The following ITPRIP variants were observed in gnomAD, a reference collection of about 807,000 sequenced individuals.
ITPRIP encodes inositol 1,4,5-trisphosphate receptor-interacting protein.
Under a neutral mutation model 35.8 loss-of-function variants are expected in ITPRIP, and 32 were observed. The observed-to-expected ratio is 0.89, with a 90% confidence interval of 0.68 to 1.20. The LOEUF is 1.20. Among genes scored for constraint, ITPRIP ranks in the 50% most tolerant of loss-of-function variants. ITPRIP has a pLI of 0.00. For synonymous variants in ITPRIP, 358 were observed against 324.0 expected, an observed-to-expected ratio of 1.11 and a Z score of -1.13; for missense variants, 653 against 735.6, an observed-to-expected ratio of 0.89 and a Z score of 1.30.
intron 1 of ITPRIP, among the ~76,000 whole-genome samples, chr10:104,325,133 T>C (rs1241609208): frequency 1.3e-5 from 2 of 152,184 alleles, no homozygotes; most frequent in Non-Finnish European, 2.9e-5. Flanking sequence ...GGTGTGAGGA[T>C]TGCTTGAGCC....
intron 1 of ITPRIP, chr10:104,323,720 A>G (rs2013914746): frequency 1.3e-5 from 2 of 152,462 alleles, no homozygotes; most frequent in African/African-American, 4.8e-5. Context: ...GGCCCAGCCT[A>G]CTTGTCTCAC....
At chr10:104,327,891 C>T (rs1302044671) in intron 1 of ITPRIP, among the ~76,000 whole-genome samples, 2 of 152,238 alleles carry the variant, frequency 1.3e-5, no homozygotes, top group Non-Finnish European at 2.9e-5. Flanking sequence ...CCCCGTGTCG[C>T]CCTGGTGTGC....
Position 104,315,609 on chromosome 10 carries a change from C to T in ITPRIP, c.443G>A (p.Arg148His), listed in dbSNP as rs573798858. 61 of 1,613,206 alleles carry T rather than the reference C, an allele frequency of 3.8e-5. No individual in the cohort carries two copies. In the South Asian group the frequency reaches 4.1e-4, roughly 11 times the overall value. Reference protein sequence around the residue: ...NKATLGHFYERCIRGATADAA... With the variant: ...NKATLGHFYEHCIRGATADAA... ...ATCGGCCGTGGCCCCCCGGATGCAG[C>T]GCTCATAAAAGTGGCCAAGCGTGGC... The change falls in exon 2 of 2, where the codon CGC (arginine) becomes CAC (histidine). Residue 148 changes from arginine (R) to histidine (H), a missense_variant. Arg to His is a conservative substitution (Grantham distance 29). Transcript: ENST00000337478. The surrounding 1 kb of genome is among the most constrained non-coding windows in gnomAD (Gnocchi z 5.7).
At chr10:104,332,553 T>G (rs1027088115) in intron 1 of ITPRIP, among the ~76,000 whole-genome samples, 2 of 152,142 alleles carry the variant, frequency 1.3e-5, no homozygotes, top group African/African-American at 4.8e-5. Context: ...GCCTCTTTCG[T>G]CTCCTGTGCT....
At chr10:104,335,592 C>T (rs571234501) in intron 1 of ITPRIP, among the ~76,000 whole-genome samples, 11 of 152,298 alleles carry the variant, frequency 7.2e-5, no homozygotes, top group African/African-American at 2.2e-4. Flanking sequence ...CATCAAGGCC[C>T]GGCTTGCCTC....
In ITPRIP at chr10:104,315,493, C is replaced by T. The variant is rs765342704; in HGVS notation, c.559G>A (p.Val187Met). 38 of 1,614,058 alleles carry T rather than the reference C, an allele frequency of 2.4e-5. No individual in the cohort carries two copies. The East Asian group carries it at 7.8e-4, about 33-fold the overall frequency. ...CTGTCCACGCCAATGAAGTCCTCCA[C>T]CTCCATGTCGGTGTCCCGGTTGCAG... ...SLCNRDTDMEVEDFIGVDSMY... is the reference protein window; with the variant it reads ...SLCNRDTDMEMEDFIGVDSMY... Residue 187 changes from valine to methionine, a missense_variant, in exon 2 of 2, where the codon GTG (valine) becomes ATG (methionine). Coordinates refer to ENST00000337478, the MANE Select transcript of ITPRIP (RefSeq NM_001272013.2). This position sits in a 1 kb window ranked among gnomAD's most constrained non-coding sequence, Gnocchi z 5.7.
At chr10:104,316,167 G>C (rs2013681389) in intron 1 of ITPRIP, 103 bp from the exon 2 acceptor site, 3 of 1,006,302 alleles carry the variant, frequency 3.0e-6, no homozygotes, top group Non-Finnish European at 4.2e-6. Flanking sequence ...TAAGGTCTTA[G>C]TTCTCCCACC....
chr10:104,332,666 C>A (rs143487673), intron 1 of ITPRIP, among the ~76,000 whole-genome samples: 1 of 152,202 alleles, frequency 6.6e-6, no homozygotes, highest in East Asian at 1.9e-4. Context: ...TGCTGAGTGA[C>A]CTCAGCCTTG....
rs1430985109 is a variant in ITPRIP at position 104,328,538 on chromosome 10, GAC to G, written c.-14+9706_-14+9707del. ...GGCTCTGCACAATAGCAGACACACT[GAC>G]TCAATGGAAAGGGGAAGGGACTGGA... is the stretch of plus-strand genomic sequence containing the variant. On this transcript the variant is annotated intron_variant, in intron 1 of 1. Transcript: ENST00000337478. The surrounding 1 kb of genome is among the most constrained non-coding windows in gnomAD (Gnocchi z 4.1). Among the ~76,000 whole-genome samples, 5 of 152,078 alleles carry G rather than the reference GAC, an allele frequency of 3.3e-5. No homozygotes were observed. Among genetic ancestry groups the G allele is most frequent in the Non-Finnish European group, 7.4e-5 (5 of 68,012 alleles).
chr10:104,336,494 T>TGGGGGGG (rs60388927), intron 1 of ITPRIP, among the ~76,000 whole-genome samples: 1 of 74,610 alleles, frequency 1.3e-5, no homozygotes, highest in African/African-American at 4.1e-5. Context: ...TATTTTTTTT[T>TGGGGGGG]GGGGGGGGGG....
chr10:104,316,034 G>C lies in ITPRIP; in HGVS notation c.18C>G (p.Phe6Leu), dbSNP rs1360423047. ...CCGTCACCACCACCAGACACACGCG[G>C]AAGAGCCCCATGGCCATGGTTGGAG... MAMGL[F>L]RVCLVVVTAI... Residue 6 changes from phenylalanine to leucine, a missense_variant, in exon 2 of 2, where the codon TTC becomes TTG. Physicochemically the swap from Phe to Leu is conservative, Grantham distance 22. Transcript: ENST00000337478. The C allele has an allele frequency of 6.3e-7, 1 of 1,588,746 alleles. No homozygotes were observed. The highest frequency in any genetic ancestry group is 1.7e-5 in the Admixed American group (1 of 57,532).
rs533247821 is a variant in ITPRIP, at chr10:104,320,243, C to T, written c.-13-4179G>A. Reference sequence around the variant, plus strand: ...GGAGAGATGAACTAAGGGTCTGGCACCTTTTTAGGTTTGACAGACACTTAC... The same window carrying T: ...GGAGAGATGAACTAAGGGTCTGGCATCTTTTTAGGTTTGACAGACACTTAC... On this transcript the variant is annotated intron_variant, in intron 1 of 1. Transcript: ENST00000337478. Among the ~76,000 whole-genome samples the T allele has an allele frequency of 2.8e-4, 42 of 151,140 alleles. 1 individual carries two copies. Among genetic ancestry groups the T allele is most frequent in the African/African-American group, 9.6e-4 (39 of 40,504 alleles).
intron 1 of ITPRIP, among the ~76,000 whole-genome samples, chr10:104,337,700 C>A (rs2014265202): frequency 6.6e-6 from 1 of 151,832 alleles, no homozygotes; most frequent in African/African-American, 2.4e-5. Context: ...AAAGAGGAAG[C>A]GGCGGGGATT....
At chr10:104,327,433 C>T (rs2014048252) in intron 1 of ITPRIP, among the ~76,000 whole-genome samples, 1 of 152,132 alleles carries the variant, frequency 6.6e-6, no homozygotes, top group South Asian at 2.1e-4. Context: ...CACTTCAGAT[C>T]ATCTCCTGTC....
intron 1 of ITPRIP, among the ~76,000 whole-genome samples, chr10:104,331,565 G>A (rs1393094121): frequency 6.6e-6 from 1 of 152,174 alleles, no homozygotes; most frequent in Non-Finnish European, 1.5e-5. Flanking sequence ...GCAGCCCAGG[G>A]TTGCTTCCAA....
Position 104,312,736 on chromosome 10 carries a change from C to T in ITPRIP, c.*1672G>A. On this transcript the variant is annotated 3_prime_UTR_variant, in exon 2 of 2. Transcript: ENST00000337478. The stretch of plus-strand genomic sequence containing the variant: ...TGGGCAAAGGGTCCATCTTCTCAAG[C>T]TTTCTGAGGCTGGTTGAGAGCACTC... 1 of 985,356 alleles carries T rather than the reference C, an allele frequency of 1.0e-6. No homozygotes were observed. Among genetic ancestry groups the T allele is most frequent in the Non-Finnish European group, 1.2e-6 (1 of 829,924 alleles). The allele number at this position is 985,356 out of a possible 1,614,324, so 61.0% of individuals were successfully genotyped here.
intron 1 of ITPRIP, among the ~76,000 whole-genome samples, chr10:104,334,815 C>T (rs533006644): frequency 2.0e-5 from 3 of 152,318 alleles, no homozygotes; most frequent in Admixed American, 6.5e-5. Context: ...CTTTGATAAG[C>T]GCAGTCCACC....
chr10:104,336,494 T>TTGG (rs1491360945), intron 1 of ITPRIP, among the ~76,000 whole-genome samples: 4 of 74,608 alleles, frequency 5.4e-5, no homozygotes, highest in African/African-American at 1.2e-4. Context: ...TATTTTTTTT[T>TTGG]GGGGGGGGGG....
chr10:104,332,987 T>C (rs920453378), intron 1 of ITPRIP, among the ~76,000 whole-genome samples: 4 of 152,252 alleles, frequency 2.6e-5, no homozygotes, highest in Non-Finnish European at 4.4e-5. Flanking sequence ...AGATACACAA[T>C]GGCTGCTCGA....
Sources: gnomAD v4.1 joint callset for allele counts (sites outside exome capture counted in the v4.1 genomes callset) on GRCh38, gnomAD v4.1.1 for gene constraint, Gnocchi (gnomAD v3.1) non-coding constraint, MANE v1.5 for transcripts, NCBI Gene and HGNC (gene_info 2026-07-23, HGNC 2026-07-21) for gene names.